The following EML4 variants were observed in gnomAD, a reference collection of about 807,000 sequenced individuals.
The protein encoded by EML4 is EMAP like 4, also known as echinoderm microtubule-associated protein-like 4.
EML4 carries 72 observed loss-of-function variants against 129.0 expected under a neutral mutation model. The observed-to-expected ratio is 0.56, with a 90% CI of 0.46 to 0.68. EML4 has a LOEUF of 0.68. Ranked by LOEUF, EML4 falls within the 30% of genes least tolerant of loss-of-function variation. EML4 has a pLI of 0.00. For synonymous variants in EML4, 532 were observed against 405.0 expected (o/e 1.31, Z -3.77); for missense variants, 1,363 against 1,190.6 (o/e 1.14, Z -2.13).
chr2:42,171,581 G>A (rs909383847), intron 1 of EML4, among the ~76,000 whole-genome samples: 2 of 152,198 alleles, frequency 1.3e-5, no homozygotes, highest in East Asian at 3.8e-4. Flanking sequence ...TTCATAAAGA[G>A]CGTCATTGTT....
intron 19 of EML4, chr2:42,325,216 C>CT: frequency 3.5e-6 from 2 of 566,954 alleles, no homozygotes; most frequent in Non-Finnish European, 6.9e-6. Context: ...AAGAGACTGT[C>CT]TTTCTTGGAA....
chr2:42,329,180 T>G (rs1288167435), intron 22 of EML4, among the ~76,000 whole-genome samples, 164 bp downstream of exon 22: 1 of 152,210 alleles, frequency 6.6e-6, no homozygotes. Flanking sequence ...AGTGCTTGTC[T>G]TCTCCCCCTT....
At chr2:42,186,798 C>T (rs868509468) in intron 1 of EML4, among the ~76,000 whole-genome samples, 1 of 152,044 alleles carries the variant, frequency 6.6e-6, no homozygotes, top group Non-Finnish European at 1.5e-5. Flanking sequence ...ATTTTTAAAT[C>T]AGCTTTATTG....
At chr2:42,277,777 C>T (rs1308598282) in intron 6 of EML4, among the ~76,000 whole-genome samples, 1 of 152,112 alleles carries the variant, frequency 6.6e-6, no homozygotes, top group East Asian at 1.9e-4. Context: ...CCGTGTTGGC[C>T]AGGCTGGTCT....
chr2:42,274,135 G>C (rs1398066916), intron 6 of EML4, among the ~76,000 whole-genome samples: 1 of 152,118 alleles, frequency 6.6e-6, no homozygotes, highest in Non-Finnish European at 1.5e-5. Context: ...CAGAAAAAAG[G>C]CTCAAATTAA....
At chr2:42,200,680 G>A (rs1168582723) in intron 1 of EML4, among the ~76,000 whole-genome samples, 1 of 152,214 alleles carries the variant, frequency 6.6e-6, no homozygotes, top group Non-Finnish European at 1.5e-5. Flanking sequence ...TCAGCAGTTT[G>A]ACTCTAAATA....
At chr2:42,302,429 C>A (rs746904272) in intron 14 of EML4, among the ~76,000 whole-genome samples, 1 of 152,034 alleles carries the variant, frequency 6.6e-6, no homozygotes, top group Non-Finnish European at 1.5e-5. Context: ...GAAAATGTTT[C>A]TTAGGCTAAG....
chr2:42,290,853 G>A (rs184183699), intron 11 of EML4, among the ~76,000 whole-genome samples: 1 of 152,266 alleles, frequency 6.6e-6, no homozygotes, highest in East Asian at 1.9e-4. Flanking sequence ...CGATGAAGAC[G>A]TCACTTTTGC....
intron 3 of EML4, among the ~76,000 whole-genome samples, chr2:42,259,753 G>A (rs1198162024): frequency 8.4e-6 from 1 of 119,424 alleles, no homozygotes; most frequent in Non-Finnish European, 1.6e-5. Context: ...TTTTTGAGAC[G>A]GCGTCTCGCT....
chr2:42,195,140 C>G (rs771779986), intron 1 of EML4, among the ~76,000 whole-genome samples: 1 of 151,898 alleles, frequency 6.6e-6, no homozygotes, highest in Non-Finnish European at 1.5e-5. Flanking sequence ...GTTAACTTGG[C>G]CTTGTTTTGT....
At chr2:42,267,985 A>G (rs1284943186) in intron 6 of EML4, among the ~76,000 whole-genome samples, 1 of 152,190 alleles carries the variant, frequency 6.6e-6, no homozygotes, top group Admixed American at 6.5e-5. Flanking sequence ...AAATTTTCCA[A>G]GCTAAGTTGG....
intron 1 of EML4, among the ~76,000 whole-genome samples, chr2:42,184,727 C>T (rs1346161341): frequency 6.6e-6 from 1 of 152,084 alleles, no homozygotes; most frequent in Non-Finnish European, 1.5e-5. Context: ...ATTTTCTGTC[C>T]TATTTTCTGA....
chr2:42,244,968 C>T (rs1243774072), intron 1 of EML4, among the ~76,000 whole-genome samples: 3 of 151,550 alleles, frequency 2.0e-5, no homozygotes, highest in Admixed American at 2.0e-4. Flanking sequence ...CAATTGTCAC[C>T]ATTTTAATGA....
Position 42,331,875 on chromosome 2 carries a change from C to T in EML4, c.*1668C>T, listed in dbSNP as rs1039882559. 9.2e-6 allele frequency: 2 copies of T among 217,920 alleles called. No individual in the cohort carries two copies. The highest frequency in any genetic ancestry group is 1.8e-5 in the Non-Finnish European group (2 of 108,234). 13.5% of individuals were successfully genotyped at this position (217,920 alleles called of 1,614,324 possible). On this transcript the variant is annotated 3_prime_UTR_variant, in exon 23 of 23. Coordinates refer to ENST00000318522, the MANE Select transcript of EML4 (RefSeq NM_019063.5). ...GAAGATATGCACCACGTTGAAAATA[C>T]TCAGTGTAGATCTCTATGTGTATAG...
At chr2:42,293,226 C>T (rs1231597644) in intron 11 of EML4, among the ~76,000 whole-genome samples, 2 of 151,930 alleles carry the variant, frequency 1.3e-5, no homozygotes, top group South Asian at 2.1e-4. Flanking sequence ...CCTCCAGCCT[C>T]AGCCTCCCAA....
chr2:42,316,205 G>T (rs1669237829), intron 18 of EML4, among the ~76,000 whole-genome samples, 155 bp downstream of exon 18: 1 of 152,188 alleles, frequency 6.6e-6, no homozygotes, highest in East Asian at 1.9e-4. Flanking sequence ...AAATTCTGCT[G>T]CCAGAAACTG....
intron 2 of EML4, among the ~76,000 whole-genome samples, chr2:42,251,691 C>T (rs1675778002): frequency 6.6e-6 from 1 of 152,096 alleles, no homozygotes; most frequent in Admixed American, 6.5e-5. Flanking sequence ...ACAGTTGGAG[C>T]CATGAGGCAT....
chr2:42,170,722 A>G lies in EML4; in HGVS notation c.25+1086A>G, dbSNP rs542888878. 1.3e-5 allele frequency among the ~76,000 whole-genome samples: 2 copies of G among 152,304 alleles called. 1 individual carries two copies. Among genetic ancestry groups the G allele is most frequent in the South Asian group, 4.1e-4 (2 of 4,824 alleles). On this transcript the variant is annotated intron_variant, in intron 1 of 22. Transcript: ENST00000318522. ...GCAGTTGTGTGATACCTACTGCTGGAACTGTATTTTGAGTTTTTTATGTGC... is the reference window on the plus strand; with the variant it reads ...GCAGTTGTGTGATACCTACTGCTGGGACTGTATTTTGAGTTTTTTATGTGC...
intron 14 of EML4, among the ~76,000 whole-genome samples, chr2:42,302,732 C>T (rs1431473259): frequency 6.6e-6 from 1 of 152,080 alleles, no homozygotes; most frequent in Non-Finnish European, 1.5e-5. Context: ...CAGGGTTTCA[C>T]CATGTTGGCC....
Sources: allele counts gnomAD v4.1 joint callset (sites outside exome capture counted in the v4.1 genomes callset), GRCh38; gene constraint gnomAD v4.1.1; transcripts MANE v1.5; gene names NCBI Gene and HGNC (gene_info 2026-07-23, HGNC 2026-07-21).